Variants in LDLRAD3 observed in about 807,000 individuals in gnomAD.
The protein encoded by LDLRAD3 is low density lipoprotein receptor class A domain containing 3.
Under a neutral mutation model 29.4 loss-of-function variants are expected in LDLRAD3, and 20 were observed. That is an observed-to-expected ratio of 0.68 (90% CI 0.48 to 0.99). The LOEUF (loss-of-function observed/expected upper bound fraction) is 0.99. LDLRAD3 is among the 50% of genes least tolerant of loss of function. LDLRAD3 has a pLI of 0.00. For missense variants in LDLRAD3, 420 were observed against 454.3 expected (o/e 0.92, Z 0.69); for synonymous variants, 157 against 192.7 (o/e 0.81, Z 1.53).
intron 4 of LDLRAD3, among the ~76,000 whole-genome samples, chr11:36,192,683 G>A (rs1039995672): frequency 1.3e-5 from 2 of 152,310 alleles, no homozygotes; most frequent in Admixed American, 1.3e-4. Flanking sequence ...ATTAGGTCCA[G>A]GGCATGAATT....
intron 1 of LDLRAD3, among the ~76,000 whole-genome samples, chr11:35,985,386 A>G (rs552079816): frequency 6.6e-6 from 1 of 152,094 alleles, no homozygotes; most frequent in East Asian, 1.9e-4. Flanking sequence ...GGGAGAGGAT[A>G]TTTTTGCAGA....
intron 4 of LDLRAD3, among the ~76,000 whole-genome samples, chr11:36,136,554 G>T (rs1360840325): frequency 6.6e-6 from 1 of 152,062 alleles, no homozygotes; most frequent in Non-Finnish European, 1.5e-5. Context: ...TGTCTTACTT[G>T]CTTCTGCTTT....
At position 36,084,516 on chromosome 11, in the gene LDLRAD3, A is replaced by G. The variant is rs77765071; in HGVS notation, c.319+2738A>G. On this transcript the variant is annotated intron_variant, in intron 3 of 5. Coordinates refer to ENST00000315571, the MANE Select transcript of LDLRAD3 (RefSeq NM_174902.4). ...GAAAAAATAGTGATTCTAGCTCACT[A>G]TGTTGGAAAGTGGTAAATAAAAGTA... 3.4e-3 allele frequency among the ~76,000 whole-genome samples: 513 copies of G among 152,304 alleles called. 2 individuals are homozygous for G. Among genetic ancestry groups the G allele is most frequent in the African/African-American group, 0.012 (482 of 41,576 alleles).
chr11:36,059,384 A>T (rs965172733), intron 2 of LDLRAD3, among the ~76,000 whole-genome samples: 1 of 148,452 alleles, frequency 6.7e-6, no homozygotes, highest in Non-Finnish European at 1.5e-5. Flanking sequence ...AGATAAGGTC[A>T]CTCCCCTGTA....
chr11:35,961,022 C>G (rs1290928548), intron 1 of LDLRAD3, among the ~76,000 whole-genome samples: 1 of 152,214 alleles, frequency 6.6e-6, no homozygotes, highest in Non-Finnish European at 1.5e-5. Flanking sequence ...TCATGACAGG[C>G]AGTTAAGAGG....
chr11:36,081,003 G>T (rs978151977), intron 2 of LDLRAD3, among the ~76,000 whole-genome samples: 1 of 152,162 alleles, frequency 6.6e-6, no homozygotes, highest in Non-Finnish European at 1.5e-5. Flanking sequence ...GGGGTGTTCA[G>T]TGTAAGTTGT....
At chr11:36,209,677 A>G (rs1427536899) in intron 4 of LDLRAD3, among the ~76,000 whole-genome samples, 1 of 151,496 alleles carries the variant, frequency 6.6e-6, no homozygotes, top group Non-Finnish European at 1.5e-5. Context: ...TATTTTTGCA[A>G]CTCTTGTGTA....
At chr11:36,158,171 G>T (rs1286690206) in intron 4 of LDLRAD3, among the ~76,000 whole-genome samples, 1 of 151,978 alleles carries the variant, frequency 6.6e-6, no homozygotes, top group East Asian at 1.9e-4. Flanking sequence ...CATTCCAGTG[G>T]GATAGTCTAT....
At chr11:35,998,546 AC>A (rs1199199120) in intron 1 of LDLRAD3, among the ~76,000 whole-genome samples, 23 of 152,308 alleles carry the variant, frequency 1.5e-4, no homozygotes, top group African/African-American at 5.3e-4. Flanking sequence ...AAACAACAAA[AC>A]AAAAAACAGT....
chr11:36,085,499 A>G (rs1165733992), intron 3 of LDLRAD3, among the ~76,000 whole-genome samples: 1 of 152,112 alleles, frequency 6.6e-6, no homozygotes, highest in Non-Finnish European at 1.5e-5. Flanking sequence ...ATTTCTTCAG[A>G]TATTTTAAAA....
intron 4 of LDLRAD3, among the ~76,000 whole-genome samples, chr11:36,158,689 G>A (rs892157256): frequency 6.6e-6 from 1 of 152,176 alleles, no homozygotes; most frequent in African/African-American, 2.4e-5. Context: ...AGCTGGAGCA[G>A]TGCCTGTGGT....
chr11:36,214,682 G>A (rs929628661), intron 4 of LDLRAD3, among the ~76,000 whole-genome samples: 1 of 152,142 alleles, frequency 6.6e-6, no homozygotes, highest in African/African-American at 2.4e-5. Flanking sequence ...ACAGACCTGG[G>A]CTCGTGTCTC....
chr11:36,112,068 A>T, intron 4 of LDLRAD3, among the ~76,000 whole-genome samples: 1 of 152,018 alleles, frequency 6.6e-6, no homozygotes, highest in African/African-American at 2.4e-5. Context: ...TCTTTAAGAA[A>T]ATTTATTTGT....
chr11:36,062,975 G>A (rs1266906984), intron 2 of LDLRAD3, among the ~76,000 whole-genome samples: 1 of 152,162 alleles, frequency 6.6e-6, no homozygotes, highest in African/African-American at 2.4e-5. Context: ...ACAGGAACTG[G>A]GAAAGGGCAA....
chr11:36,093,370 C>T (rs1384216522), intron 3 of LDLRAD3, among the ~76,000 whole-genome samples: 3 of 152,006 alleles, frequency 2.0e-5, no homozygotes, highest in African/African-American at 7.2e-5. Context: ...TTGGGATCTT[C>T]TCTTTTCTCC....
intron 2 of LDLRAD3, among the ~76,000 whole-genome samples, chr11:36,043,040 G>A (rs1852402894): frequency 2.0e-5 from 3 of 152,202 alleles, no homozygotes. Context: ...GGCTGGGCAT[G>A]GTGGCTTATG....
intron 1 of LDLRAD3, among the ~76,000 whole-genome samples, chr11:35,993,312 C>T (rs959058251): frequency 1.3e-5 from 2 of 152,190 alleles, no homozygotes; most frequent in African/African-American, 4.8e-5. Flanking sequence ...TAGGGAAGCT[C>T]AGGGCACAGA....
chr11:36,185,122 C>A (rs1358054), intron 4 of LDLRAD3, among the ~76,000 whole-genome samples: 68,725 of 152,004 alleles, frequency 0.45, 16,124 homozygotes, highest in South Asian at 0.55. Flanking sequence ...GAAGTCTCTG[C>A]GCTAGAATTA....
chr11:36,051,404 T>A (rs1192067695), intron 2 of LDLRAD3, among the ~76,000 whole-genome samples: 1 of 152,196 alleles, frequency 6.6e-6, no homozygotes, highest in Non-Finnish European at 1.5e-5. Flanking sequence ...AGCTGTGTGA[T>A]CCTGGGCAAG....
Sources: gnomAD v4.1 joint callset for allele counts (sites outside exome capture counted in the v4.1 genomes callset) on GRCh38, gnomAD v4.1.1 for gene constraint, MANE v1.5 for transcripts, NCBI Gene and HGNC (gene_info 2026-07-23, HGNC 2026-07-21) for gene names.